EPC2: variants seen among roughly 807,000 people sequenced by gnomAD.
EPC2 encodes enhancer of polycomb 2.
EPC2 carries 14 observed loss-of-function variants against 92.1 expected under a neutral mutation model. The ratio of observed to expected loss-of-function variants is 0.15; its 90% CI spans 0.10 to 0.24. The LOEUF is 0.24. EPC2 is among the 10% of genes least tolerant of loss of function. The pLI is 1.00. For missense variants in EPC2, 755 were observed against 971.5 expected (o/e 0.78, Z 2.96); for synonymous variants, 340 against 334.7 (o/e 1.02, Z -0.17).
chr2:148,715,016 T>C (rs1302416858), intron 2 of EPC2, among the ~76,000 whole-genome samples: 2 of 150,862 alleles, frequency 1.3e-5, no homozygotes, highest in Admixed American at 6.6e-5. Flanking sequence ...GCCTAGATTT[T>C]CTTCTAGGGT....
chr2:148,711,539 A>G (rs1469667141), intron 2 of EPC2, among the ~76,000 whole-genome samples: 1 of 152,098 alleles, frequency 6.6e-6, no homozygotes, highest in Non-Finnish European at 1.5e-5. Flanking sequence ...TGAGTTTTAG[A>G]AAAAGTGTGT....
intron 1 of EPC2, among the ~76,000 whole-genome samples, chr2:148,657,386 C>T (rs1680825406): frequency 6.6e-6 from 1 of 151,950 alleles, no homozygotes; most frequent in Non-Finnish European, 1.5e-5. Context: ...AAAATACCTC[C>T]CACAAAAATT....
At chr2:148,662,505 A>G (rs1380988481) in intron 1 of EPC2, among the ~76,000 whole-genome samples, 1 of 152,216 alleles carries the variant, frequency 6.6e-6, no homozygotes, top group Non-Finnish European at 1.5e-5. Context: ...TGATGAGTTC[A>G]TGTCCTTTGT....
chr2:148,754,233 A>G (rs1683137589), intron 4 of EPC2, 100 bp downstream of exon 4: 2 of 917,788 alleles, frequency 2.2e-6, no homozygotes, highest in Non-Finnish European at 1.6e-6. Flanking sequence ...AATGGTAGCT[A>G]ATGGCATTGA....
intron 2 of EPC2, among the ~76,000 whole-genome samples, chr2:148,711,304 T>A (rs1682139486): frequency 6.6e-6 from 1 of 152,120 alleles, no homozygotes; most frequent in Admixed American, 6.5e-5. Flanking sequence ...ATTTAAAAAA[T>A]TTCTTTTGAG....
chr2:148,785,384 A>G (rs770722778), intron 13 of EPC2, among the ~76,000 whole-genome samples: 7 of 151,652 alleles, frequency 4.6e-5, no homozygotes, highest in East Asian at 1.9e-4. Context: ...CTGGAGTGCA[A>G]TGGCGCAATC....
chr2:148,743,760 C>A lies in EPC2; in HGVS notation c.452C>A (p.Ser151Tyr). 6.3e-7 allele frequency: 1 copy of A among 1,597,560 alleles called. No individual in the cohort carries two copies. Among genetic ancestry groups the A allele is most frequent in the South Asian group, 1.1e-5 (1 of 87,734 alleles). Residue 151 changes from serine (S) to tyrosine (Y), a missense_variant, in exon 3 of 14, where the codon TCT (serine) becomes TAT (tyrosine). Physicochemically the swap from Ser to Tyr is moderately radical, Grantham distance 144. Around this residue, in one of 4 missense-constraint regions of EPC2, gnomAD observed 509 missense variants for 607.7 expected, o/e 0.84. Coordinates refer to ENST00000258484, the MANE Select transcript of EPC2 (RefSeq NM_015630.4). ...ATTGACAGACTTGAAAAAGCCAGTT[C>A]TAATCAGGTACTGTACCATGTAAAG... is the stretch of plus-strand genomic sequence containing the variant. Reference protein sequence around the residue: ...IMIDRLEKASSNQLVTLQEAK... With the variant: ...IMIDRLEKASYNQLVTLQEAK...
chr2:148,646,759 C>T (rs965744448), intron 1 of EPC2, among the ~76,000 whole-genome samples: 9 of 152,020 alleles, frequency 5.9e-5, no homozygotes, highest in Admixed American at 2.6e-4. Context: ...GAAAGATGGC[C>T]TTAAAAGTAC....
intron 2 of EPC2, among the ~76,000 whole-genome samples, chr2:148,735,971 C>G (rs1682745195): frequency 6.6e-6 from 1 of 151,888 alleles, no homozygotes; most frequent in Non-Finnish European, 1.5e-5. Flanking sequence ...TCTTTCTTTT[C>G]TATGTACTGT....
chr2:148,677,334 A>G (rs1197437494), intron 1 of EPC2, among the ~76,000 whole-genome samples: 1 of 152,132 alleles, frequency 6.6e-6, no homozygotes, highest in African/African-American at 2.4e-5. Context: ...AACTCTCTTA[A>G]CAAGAAGAGA....
chr2:148,783,378 T>G (rs1683793192), intron 11 of EPC2, among the ~76,000 whole-genome samples: 1 of 152,210 alleles, frequency 6.6e-6, no homozygotes, highest in Non-Finnish European at 1.5e-5. Flanking sequence ...CTTGGGTTAT[T>G]TAATCTCTAG....
intron 11 of EPC2, 47 bp downstream of exon 11, chr2:148,781,827 A>C (rs1337094236): frequency 6.2e-7 from 1 of 1,605,524 alleles, no homozygotes. Flanking sequence ...TTTCATCATT[A>C]TGTAGTTTTA....
At chr2:148,720,883 C>T (rs181385570) in intron 2 of EPC2, among the ~76,000 whole-genome samples, 52 of 152,272 alleles carry the variant, frequency 3.4e-4, no homozygotes, top group South Asian at 1.2e-3. Context: ...TCGCCGCTTT[C>T]GTTCCTCTCC....
intron 1 of EPC2, among the ~76,000 whole-genome samples, chr2:148,681,805 T>C (rs1200227370): frequency 6.6e-6 from 1 of 152,182 alleles, no homozygotes; most frequent in East Asian, 1.9e-4. Context: ...TGTGCCATGT[T>C]GGTTTGCTGC....
At chr2:148,671,702 G>A (rs747356155) in intron 1 of EPC2, among the ~76,000 whole-genome samples, 18 of 152,004 alleles carry the variant, frequency 1.2e-4, no homozygotes, top group Non-Finnish European at 2.2e-4. Context: ...ATTTCTTATT[G>A]TCTCCATTTA....
intron 10 of EPC2, among the ~76,000 whole-genome samples, chr2:148,779,259 C>T (rs1294147544): frequency 6.6e-6 from 1 of 152,108 alleles, no homozygotes; most frequent in Non-Finnish European, 1.5e-5. Flanking sequence ...GTCTACCAAC[C>T]CAAAAAATAT....
chr2:148,776,856 C>CTCTCTTTTTTTTTTTTTTTTTTTTT (rs1247135854), intron 10 of EPC2, among the ~76,000 whole-genome samples: 8 of 101,026 alleles, frequency 7.9e-5, no homozygotes, highest in African/African-American at 2.6e-4. Context: ...GTCTCTCTCT[C>CTCTCTTTTTTTTTTTTTTTTTTTTT]TTTTTTTTTT....
chr2:148,779,169 G>A (rs528438505), intron 10 of EPC2, among the ~76,000 whole-genome samples: 2 of 152,108 alleles, frequency 1.3e-5, no homozygotes, highest in African/African-American at 2.4e-5. Flanking sequence ...ATCTGTTTCC[G>A]TTTTTAATAT....
At chr2:148,701,157 A>G (rs1681879326) in intron 2 of EPC2, among the ~76,000 whole-genome samples, 1 of 152,182 alleles carries the variant, frequency 6.6e-6, no homozygotes, top group South Asian at 2.1e-4. Context: ...GTTCCAGGAT[A>G]TTTTTAGTCA....
Sources: allele counts gnomAD v4.1 joint callset (sites outside exome capture counted in the v4.1 genomes callset), GRCh38; gene constraint gnomAD v4.1.1; regional missense constraint gnomAD v4.1.1; transcripts MANE v1.5; gene names NCBI Gene and HGNC (gene_info 2026-07-23, HGNC 2026-07-21).